The following TCF20 variants were observed in gnomAD, a reference collection of about 807,000 sequenced individuals.
TCF20 encodes SPRE-binding protein.
TCF20 carries 3 observed loss-of-function variants against 148.6 expected under a neutral mutation model. The ratio of observed to expected loss-of-function variants is 0.02; its 90% CI spans 0.01 to 0.05. TCF20 has a LOEUF of 0.05. Ranked by LOEUF, TCF20 falls within the 10% of genes least tolerant of loss-of-function variation. The pLI is 1.00. For missense variants in TCF20, 2,350 were observed against 2,429.3 expected, an observed-to-expected ratio of 0.97 and a Z score of 0.69; for synonymous variants, 1,049 against 909.5, an observed-to-expected ratio of 1.15 and a Z score of -2.76.
chr22:42,243,009 G>A (rs988982651), intron 1 of TCF20, among the ~76,000 whole-genome samples: 2 of 152,044 alleles, frequency 1.3e-5, no homozygotes, highest in Non-Finnish European at 2.9e-5. Flanking sequence ...TGTAAAGTCA[G>A]TAGGAAGATC....
At chr22:42,184,819 A>AT (rs1302917533) in intron 2 of TCF20, among the ~76,000 whole-genome samples, 1 of 152,246 alleles carries the variant, frequency 6.6e-6, no homozygotes, top group East Asian at 1.9e-4. Context: ...AGAACCTCAC[A>AT]TTTTTTGATA....
intron 1 of TCF20, among the ~76,000 whole-genome samples, chr22:42,228,195 T>C (rs988002265): frequency 6.6e-6 from 1 of 152,154 alleles, no homozygotes; most frequent in African/African-American, 2.4e-5. Flanking sequence ...TAGTTGGTAG[T>C]CTGGTTAAGG....
chr22:42,288,980 GC>G (rs756728747), upstream of TCF20, among the ~76,000 whole-genome samples: 3 of 152,208 alleles, frequency 2.0e-5, no homozygotes, highest in Non-Finnish European at 2.9e-5. Context: ...CGGTTTCCTT[GC>G]CCTTAAGTGA....
intron 1 of TCF20, among the ~76,000 whole-genome samples, chr22:42,310,895 C>T (rs1414488815): frequency 2.0e-5 from 3 of 152,232 alleles, no homozygotes; most frequent in Non-Finnish European, 4.4e-5. Flanking sequence ...AGCAGAGCAG[C>T]GGCAGGCAGA....
chr22:42,307,537 T>A (rs1052415039), intron 1 of TCF20, among the ~76,000 whole-genome samples: 5 of 152,200 alleles, frequency 3.3e-5, no homozygotes, highest in Non-Finnish European at 5.9e-5. Context: ...ACCAGCTTCA[T>A]CTCTCTCCCG....
intron 1 of TCF20, among the ~76,000 whole-genome samples, chr22:42,335,482 C>G (rs774350975): frequency 6.6e-6 from 1 of 152,202 alleles, no homozygotes; most frequent in African/African-American, 2.4e-5. Context: ...CCATCCCACC[C>G]CCAATCAGTA....
At chr22:42,242,961 A>G (rs898613372) in intron 1 of TCF20, among the ~76,000 whole-genome samples, 3 of 152,098 alleles carry the variant, frequency 2.0e-5, no homozygotes, top group Non-Finnish European at 2.9e-5. Flanking sequence ...AAGTGGCTAC[A>G]TGACTTTAGC....
chr22:42,246,238 G>A (rs1924893006), intron 1 of TCF20, among the ~76,000 whole-genome samples: 1 of 152,104 alleles, frequency 6.6e-6, no homozygotes, highest in Non-Finnish European at 1.5e-5. Flanking sequence ...CCGTGTAGCT[G>A]GCGTTACAGG....
chr22:42,280,498 C>T (rs908684738), intron 1 of TCF20, among the ~76,000 whole-genome samples: 1 of 152,234 alleles, frequency 6.6e-6, no homozygotes, highest in Non-Finnish European at 1.5e-5. Context: ...TGGGGCTTTT[C>T]CCTGCACACT....
At chr22:42,187,162 T>C (rs1241239489) in intron 2 of TCF20, among the ~76,000 whole-genome samples, 1 of 152,160 alleles carries the variant, frequency 6.6e-6, no homozygotes, top group African/African-American at 2.4e-5. Context: ...GCCATGTGGA[T>C]CTTAGGTCCA....
In TCF20 at chr22:42,261,166, C is replaced by T. The variant is rs186105658; in HGVS notation, c.-37+9173G>A. Among the ~76,000 whole-genome samples the T allele has an allele frequency of 1.5e-3, 227 of 152,328 alleles. 1 individual carries two copies. Among genetic ancestry groups the T allele is most frequent in the Middle Eastern group, 0.014 (4 of 294 alleles). ...ATTTGTGAGATTAATCCTTATTACACGTATCTGTAGTTTGTTCCTTTTTGT... is the reference window on the plus strand; with the variant it reads ...ATTTGTGAGATTAATCCTTATTACATGTATCTGTAGTTTGTTCCTTTTTGT... On this transcript the variant is annotated intron_variant, in intron 1 of 5. Transcript: ENST00000677622.
At chr22:42,194,932 A>T (rs1937517022) in intron 2 of TCF20, among the ~76,000 whole-genome samples, 1 of 151,558 alleles carries the variant, frequency 6.6e-6, no homozygotes, top group Non-Finnish European at 1.5e-5. Flanking sequence ...TCCATAGACC[A>T]TGCCTCCCAG....
chr22:42,305,372 C>T (rs1400288674), intron 1 of TCF20, among the ~76,000 whole-genome samples: 1 of 152,126 alleles, frequency 6.6e-6, no homozygotes, highest in Non-Finnish European at 1.5e-5. Context: ...CCCCTTAACC[C>T]CCAGCATCCT....
intron 2 of TCF20, among the ~76,000 whole-genome samples, chr22:42,205,025 C>G (rs1234008136): frequency 6.6e-6 from 1 of 152,048 alleles, no homozygotes; most frequent in African/African-American, 2.4e-5. Flanking sequence ...TATCCAGCCT[C>G]AAGGGATCCA....
Position 42,226,233 on chromosome 22 carries a change from C to T in TCF20, c.-36-10892G>A, listed in dbSNP as rs548795773. Among the ~76,000 whole-genome samples the T allele has an allele frequency of 3.3e-5, 5 of 152,298 alleles. No homozygotes were observed. In the South Asian group the frequency reaches 1.0e-3, roughly 32 times the overall value. On this transcript the variant is annotated intron_variant, in intron 1 of 5. Coordinates refer to ENST00000677622, the MANE Select transcript of TCF20 (RefSeq NM_001378418.1). Reference sequence around the variant, plus strand: ...GGACATCTCTGGGGCTAGCTAGAGGCTCCTGTGGGATTTTCTTAAATGCTG... The same window carrying T: ...GGACATCTCTGGGGCTAGCTAGAGGTTCCTGTGGGATTTTCTTAAATGCTG...
chr22:42,332,251 G>A (rs1459308565), intron 1 of TCF20, among the ~76,000 whole-genome samples: 1 of 152,248 alleles, frequency 6.6e-6, no homozygotes, highest in Non-Finnish European at 1.5e-5. Flanking sequence ...AGCCAGGCAG[G>A]GAGAAGCTTG....
chr22:42,331,171 C>T (rs1225679174), intron 1 of TCF20, among the ~76,000 whole-genome samples: 5 of 152,216 alleles, frequency 3.3e-5, no homozygotes, highest in African/African-American at 9.6e-5. Flanking sequence ...CTCCCGGCAG[C>T]GCCGCGGAGC....
intron 1 of TCF20, among the ~76,000 whole-genome samples, chr22:42,295,160 T>C (rs1927208768): frequency 6.6e-6 from 1 of 152,194 alleles, no homozygotes; most frequent in South Asian, 2.1e-4. Context: ...CTAAGCCTCC[T>C]AACCCCAGCC....
chr22:42,316,389 A>G (rs1927631957), intron 1 of TCF20, among the ~76,000 whole-genome samples: 1 of 152,164 alleles, frequency 6.6e-6, no homozygotes, highest in South Asian at 2.1e-4. Context: ...TGCTCAGTTC[A>G]GTCCCCTGGG....
Sources: gnomAD v4.1 joint callset for allele counts (sites outside exome capture counted in the v4.1 genomes callset) on GRCh38, gnomAD v4.1.1 for gene constraint, MANE v1.5 for transcripts, NCBI Gene and HGNC (gene_info 2026-07-23, HGNC 2026-07-21) for gene names.